Variants in SLC6A11 observed in about 807,000 individuals in gnomAD.
SLC6A11 encodes the protein sodium- and chloride-dependent GABA transporter 3.
Under a neutral mutation model 74.8 loss-of-function variants are expected in SLC6A11, and 25 were observed. The observed-to-expected ratio is 0.33, with a 90% CI of 0.24 to 0.47. The LOEUF is 0.47. Ranked by LOEUF, SLC6A11 falls within the 20% of genes least tolerant of loss-of-function variation. The pLI is 1.00. For synonymous variants in SLC6A11, 330 were observed against 330.2 expected (o/e 1.00, Z 0.01); for missense variants, 574 against 837.0 (o/e 0.69, Z 3.88).
chr3:10,879,788 C>T (rs895716070), intron 6 of SLC6A11, among the ~76,000 whole-genome samples: 4 of 151,944 alleles, frequency 2.6e-5, no homozygotes, highest in African/African-American at 9.7e-5. Flanking sequence ...CATATATATA[C>T]AGGTTGAGTA....
In SLC6A11 at chr3:10,938,271, C is replaced by A. The variant is rs1449414753; in HGVS notation, c.1768C>A (p.Pro590Thr). The A allele has an allele frequency of 6.8e-6, 11 of 1,610,630 alleles. No homozygotes were observed. Among genetic ancestry groups the A allele is most frequent in the Non-Finnish European group, 9.3e-6 (11 of 1,177,686 alleles). Residue 590 changes from proline to threonine, a missense_variant, in exon 14 of 14, where the codon CCC (proline) becomes ACC (threonine). Pro to Thr is a conservative substitution (Grantham distance 38, BLOSUM62 -1). This residue lies in a region of SLC6A11 where 257 missense variants were observed against 341.5 expected (regional missense o/e 0.75). Transcript: ENST00000254488. ...LPEKLQKLTT[P>T]STDLKMRGKL... is the part of the protein sequence containing the mutation. Reference sequence around the variant, plus strand: ...CCAGAAACTCCAGAAGTTGACGACCCCCAGCACAGATCTGAAAATGCGGGG... The same window carrying A: ...CCAGAAACTCCAGAAGTTGACGACCACCAGCACAGATCTGAAAATGCGGGG...
chr3:10,875,701 G>A (rs914887377), intron 6 of SLC6A11, among the ~76,000 whole-genome samples: 2 of 152,176 alleles, frequency 1.3e-5, no homozygotes, highest in African/African-American at 4.8e-5. Flanking sequence ...GTAAGGCATT[G>A]GTTGTTCTGA....
At chr3:10,840,132 G>A (rs1290316550) in intron 4 of SLC6A11, among the ~76,000 whole-genome samples, 1 of 152,146 alleles carries the variant, frequency 6.6e-6, no homozygotes, top group African/African-American at 2.4e-5. Flanking sequence ...TCCACAGAAA[G>A]CAGCCACGGC....
chr3:10,899,653 C>T (rs1278691838), intron 6 of SLC6A11, among the ~76,000 whole-genome samples: 1 of 152,206 alleles, frequency 6.6e-6, no homozygotes, highest in East Asian at 1.9e-4. Context: ...GCATTTGTTC[C>T]ACTGGAATAG....
At chr3:10,929,673 G>A (rs758026598) in intron 10 of SLC6A11, among the ~76,000 whole-genome samples, 1 of 152,210 alleles carries the variant, frequency 6.6e-6, no homozygotes, top group African/African-American at 2.4e-5. Context: ...AAGCAACAAC[G>A]TCAGCTACTG....
At chr3:10,889,444 T>G (rs1695083060) in intron 6 of SLC6A11, among the ~76,000 whole-genome samples, 1 of 152,186 alleles carries the variant, frequency 6.6e-6, no homozygotes, top group African/African-American at 2.4e-5. Context: ...ATATCCCCTG[T>G]GCTCTGCCTG....
At position 10,816,436 on chromosome 3, in the gene SLC6A11, G is replaced by A; in HGVS notation, c.171G>A (p.Val57=). 6.2e-7 allele frequency: 1 copy of A among 1,604,086 alleles called. No homozygotes were observed. Among genetic ancestry groups the A allele is most frequent in the East Asian group, 2.3e-5 (1 of 43,830 alleles). The change falls in exon 1 of 14, where the codon GTG becomes GTA. Residue 57 remains valine (V), a synonymous_variant. Coordinates refer to ENST00000254488, the MANE Select transcript of SLC6A11 (RefSeq NM_014229.3). The surrounding 1 kb of genome is among the most constrained non-coding windows in gnomAD (Gnocchi z 4.2). The stretch of plus-strand genomic sequence containing the variant: ...AGCGCGGCCACTGGAACAACAAGGT[G>A]GAGTTCGTGCTGAGCGTGGCCGGGG... ...VHERGHWNNK[V]EFVLSVAGEI...
chr3:10,881,163 C>A (rs1160295748), intron 6 of SLC6A11, among the ~76,000 whole-genome samples: 1 of 152,126 alleles, frequency 6.6e-6, no homozygotes, highest in Non-Finnish European at 1.5e-5. Context: ...CCCCTGTAAT[C>A]CCAGCACTTT....
chr3:10,926,402 C>A lies in SLC6A11; in HGVS notation c.1233+286C>A, dbSNP rs1313050764. ...ACCGGAATTCCCAACTCTCAATTCA[C>A]ATTTAGAAAAATTTGCTAAATACTT... is the stretch of plus-strand genomic sequence containing the variant. On this transcript the variant is annotated intron_variant, in intron 9 of 13. Transcript: ENST00000254488. The surrounding 1 kb of genome is among the most constrained non-coding windows in gnomAD (Gnocchi z 5.7). 6.6e-6 allele frequency among the ~76,000 whole-genome samples: 1 copy of A among 152,212 alleles called. No individual in the cohort carries two copies. Among genetic ancestry groups the A allele is most frequent in the Admixed American group, 6.5e-5 (1 of 15,282 alleles).
In SLC6A11 at chr3:10,918,588, TC is replaced by T. The variant is rs1450545218; in HGVS notation, c.1120+137del. The T allele has an allele frequency of 5.4e-6, 5 of 932,484 alleles. No individual in the cohort carries two copies. The highest frequency in any genetic ancestry group is 7.7e-6 in the Non-Finnish European group (5 of 652,508). The allele number at this position is 932,484 out of a possible 1,614,324, so 57.8% of individuals were successfully genotyped here. On this transcript the variant is annotated intron_variant, in intron 8 of 13. Transcript: ENST00000254488. The surrounding 1 kb of genome is among the most constrained non-coding windows in gnomAD (Gnocchi z 4.5). ...CCTCAGAAAGGGGCCCCACCATTCA[TC>T]CACAATCCAGGATCCTGGGAATTAC...
intron 6 of SLC6A11, among the ~76,000 whole-genome samples, chr3:10,902,576 A>G (rs1173654233): frequency 2.0e-5 from 3 of 152,234 alleles, no homozygotes; most frequent in East Asian, 1.9e-4. Flanking sequence ...TTCACAGGCA[A>G]GGAAGTTGAG....
intron 6 of SLC6A11, among the ~76,000 whole-genome samples, chr3:10,879,549 T>G (rs1694950259): frequency 6.6e-6 from 1 of 152,170 alleles, no homozygotes; most frequent in South Asian, 2.1e-4. Context: ...CCTCCCTCAA[T>G]CACAGGTTGC....
intron 5 of SLC6A11, among the ~76,000 whole-genome samples, chr3:10,874,640 T>G (rs942134093): frequency 1.3e-5 from 2 of 152,202 alleles, no homozygotes; most frequent in Non-Finnish European, 2.9e-5. Context: ...ATCTCACTAC[T>G]GAAACTGTAT....
chr3:10,873,740 G>A (rs892965096), intron 5 of SLC6A11, among the ~76,000 whole-genome samples: 18 of 81,722 alleles, frequency 2.2e-4, no homozygotes, highest in African/African-American at 5.2e-4. Flanking sequence ...ATCCCGTCCC[G>A]TCCCATGCTA....
Position 10,915,222 on chromosome 3 carries a change from T to C in SLC6A11, c.995+3029T>C, listed in dbSNP as rs1350787668. Among the ~76,000 whole-genome samples the C allele has an allele frequency of 1.3e-5, 2 of 152,066 alleles. No individual in the cohort carries two copies. Among genetic ancestry groups the C allele is most frequent in the African/African-American group, 4.8e-5 (2 of 41,394 alleles). ...GAAGAGGGTTTGGCCAAAACTGCCTTGTCTCCAGCCTGTGTCTTGGGGCAG... is the reference window on the plus strand; with the variant it reads ...GAAGAGGGTTTGGCCAAAACTGCCTCGTCTCCAGCCTGTGTCTTGGGGCAG... On this transcript the variant is annotated intron_variant, in intron 7 of 13. Coordinates refer to ENST00000254488, the MANE Select transcript of SLC6A11 (RefSeq NM_014229.3). This position sits in a 1 kb window ranked among gnomAD's most constrained non-coding sequence, Gnocchi z 4.3.
intron 5 of SLC6A11, among the ~76,000 whole-genome samples, chr3:10,862,940 A>G (rs1694720214): frequency 6.6e-6 from 1 of 152,238 alleles, no homozygotes; most frequent in Non-Finnish European, 1.5e-5. Context: ...TATGAATGGA[A>G]TTCAACTGCG....
intron 8 of SLC6A11, among the ~76,000 whole-genome samples, chr3:10,924,990 T>C (rs1046221874): frequency 2.8e-4 from 43 of 152,140 alleles, no homozygotes; most frequent in African/African-American, 9.9e-4. Context: ...CTAGGTAGAA[T>C]AGGCAAAACT....
chr3:10,845,905 C>A (rs1462919739), intron 5 of SLC6A11, among the ~76,000 whole-genome samples: 1 of 152,238 alleles, frequency 6.6e-6, no homozygotes, highest in African/African-American at 2.4e-5. Flanking sequence ...CTCCTCCTTG[C>A]TGCCTCTTCC....
At chr3:10,896,330 C>A (rs1695171287) in intron 6 of SLC6A11, among the ~76,000 whole-genome samples, 1 of 152,258 alleles carries the variant, frequency 6.6e-6, no homozygotes, top group African/African-American at 2.4e-5. Flanking sequence ...AAAGGAATGA[C>A]CCCTCTCTAG....
Sources: allele counts gnomAD v4.1 joint callset (sites outside exome capture counted in the v4.1 genomes callset), GRCh38; gene constraint gnomAD v4.1.1; regional missense constraint gnomAD v4.1.1; non-coding constraint Gnocchi (gnomAD v3.1); transcripts MANE v1.5; gene names NCBI Gene and HGNC (gene_info 2026-07-23, HGNC 2026-07-21).